Variants in WASF3 observed in about 807,000 individuals in gnomAD.
WASF3 encodes actin-binding protein WASF3.
WASF3 carries 11 observed loss-of-function variants against 46.6 expected under a neutral mutation model. The ratio of observed to expected loss-of-function variants is 0.24; its 90% CI spans 0.15 to 0.39. The LOEUF is 0.39. WASF3 is among the 10% of genes least tolerant of loss of function. WASF3 has a pLI of 1.00. For missense variants in WASF3, 576 were observed against 669.8 expected (o/e 0.86, Z 1.55); for synonymous variants, 242 against 259.7 (o/e 0.93, Z 0.65).
At chr13:26,616,691 C>T (rs1358124006) in intron 2 of WASF3, among the ~76,000 whole-genome samples, 2 of 152,064 alleles carry the variant, frequency 1.3e-5, no homozygotes, top group Non-Finnish European at 2.9e-5. Flanking sequence ...TGGCAGGGCA[C>T]TTAGTTTGTA....
chr13:26,639,076 C>G (rs1308149350), intron 2 of WASF3, among the ~76,000 whole-genome samples: 1 of 152,204 alleles, frequency 6.6e-6, no homozygotes, highest in Non-Finnish European at 1.5e-5. Context: ...AACCTCTTCT[C>G]TTTATAAACT....
chr13:26,681,104 A>G lies in WASF3; in HGVS notation c.767A>G (p.His256Arg), dbSNP rs751265263. Residue 256 changes from histidine (H) to arginine (R), a missense_variant, in exon 8 of 10, where the codon CAT becomes CGT. Transcript: ENST00000335327. ...TDYSYPATPN[H>R]SLHPQPVTPS... ...TACTCTTACCCGGCTACTCCCAACC[A>G]TTCTCTGCACCCCCAGCCTGTGACC... The G allele has an allele frequency of 6.2e-7, 1 of 1,614,122 alleles. No individual in the cohort carries two copies. The highest frequency in any genetic ancestry group is 8.5e-7 in the Non-Finnish European group (1 of 1,180,002).
At chr13:26,675,473 G>GACAC (rs1470443176) in intron 6 of WASF3, among the ~76,000 whole-genome samples, 1 of 80,176 alleles carries the variant, frequency 1.2e-5, no homozygotes, top group African/African-American at 5.4e-5. Context: ...TTCCAGACTA[G>GACAC]ACACACATAC....
chr13:26,577,054 A>G (rs114194328), intron 1 of WASF3: 7,578 of 735,150 alleles, frequency 0.01, 113 homozygotes, highest in African/African-American at 0.051. Context: ...AGGAAACAAA[A>G]TTGCATCTGA....
chr13:26,678,774 G>T (rs989986601), intron 7 of WASF3, among the ~76,000 whole-genome samples: 5 of 152,124 alleles, frequency 3.3e-5, no homozygotes, highest in Admixed American at 1.3e-4. Flanking sequence ...TCAGGGAGTC[G>T]CACACCTCCA....
intron 1 of WASF3, among the ~76,000 whole-genome samples, chr13:26,604,435 G>A (rs940073494): frequency 2.0e-5 from 3 of 152,080 alleles, no homozygotes; most frequent in African/African-American, 7.2e-5. Flanking sequence ...AGAGTCAGGC[G>A]GCTGTTTTTA....
At chr13:26,633,262 G>A (rs559452658) in intron 2 of WASF3, among the ~76,000 whole-genome samples, 7 of 141,006 alleles carry the variant, frequency 5.0e-5, no homozygotes, top group Admixed American at 2.3e-4. Context: ...GAGTGCAATG[G>A]CGTCATCTCA....
In WASF3 at chr13:26,635,996, G is replaced by A. The variant is rs559216923; in HGVS notation, c.-10-6265G>A. Among the ~76,000 whole-genome samples the A allele has an allele frequency of 6.6e-5, 10 of 152,358 alleles. No homozygotes were observed. In the East Asian group the frequency reaches 1.4e-3, roughly 21 times the overall value. ...ACCCACTTGAGGAGGCAGTCTGTCC[G>A]TTCTCAGAGCTCAAACGCCATGCTG... On this transcript the variant is annotated intron_variant, in intron 2 of 9. Coordinates refer to ENST00000335327, the MANE Select transcript of WASF3 (RefSeq NM_006646.6).
In WASF3 at chr13:26,565,520, A is replaced by T. The variant is rs138546680; in HGVS notation, c.-109+7701A>T. Among the ~76,000 whole-genome samples the T allele has an allele frequency of 5.6e-3, 860 of 152,332 alleles. 10 individuals are homozygous for T. Among genetic ancestry groups the T allele is most frequent in the African/African-American group, 0.02 (820 of 41,574 alleles). On this transcript the variant is annotated intron_variant, in intron 1 of 9. Transcript: ENST00000335327. ...ATTTAAAAAAAACCAGCCCTGTAGG[A>T]TTTAAAACGTATCTCCATTCTTGGT...
rs369255128 is a variant in WASF3 at position 26,642,001 on chromosome 13, TC to T, written c.-10-259del. 16 of 201,108 alleles carry T rather than the reference TC, an allele frequency of 8.0e-5. No individual in the cohort carries two copies. The East Asian group carries it at 1.6e-3, about 20-fold the overall frequency. 12.5% of individuals were successfully genotyped at this position (201,108 alleles called of 1,614,324 possible). A position where few individuals can be genotyped will look rare whatever the true frequency, so the allele number is the denominator to read the frequency against. On this transcript the variant is annotated intron_variant, in intron 2 of 9. Coordinates refer to ENST00000335327, the MANE Select transcript of WASF3 (RefSeq NM_006646.6). Reference sequence around the variant, plus strand: ...GACTTTTTGCCTTTCCTCTCTCTCCTCATTTCAGTGAAGAGAGAAGTCAGAA... The same window carrying T: ...GACTTTTTGCCTTTCCTCTCTCTCCTATTTCAGTGAAGAGAGAAGTCAGAA...
At position 26,682,463 on chromosome 13, in the gene WASF3, G is replaced by A; in HGVS notation, c.984-144G>A. ...ACTGTGAAAATAACTGACCCAAGGT[G>A]TGCATGTTTGCATCCTGCCATGATT... On this transcript the variant is annotated intron_variant, in intron 8 of 9. Transcript: ENST00000335327. The surrounding 1 kb of genome is among the most constrained non-coding windows in gnomAD (Gnocchi z 4.4). 3.3e-6 allele frequency: 3 copies of A among 904,240 alleles called. No homozygotes were observed. The highest frequency in any genetic ancestry group is 5.2e-6 in the Non-Finnish European group (3 of 575,364). The allele number at this position is 904,240 out of a possible 1,614,324, so 56.0% of individuals were successfully genotyped here.
At position 26,685,911 on chromosome 13, in the gene WASF3, A is replaced by G; in HGVS notation, c.*66A>G. ...AGATTTTAAGTGGTCTCTACACCCA[A>G]ATAGTGGTATTCTAATCCCGTAGCA... On this transcript the variant is annotated 3_prime_UTR_variant, in exon 10 of 10. Transcript: ENST00000335327. The G allele has an allele frequency of 1.3e-6, 2 of 1,575,760 alleles. No individual in the cohort carries two copies. The highest frequency in any genetic ancestry group is 1.7e-6 in the Non-Finnish European group (2 of 1,153,106).
At chr13:26,557,483 A>G (rs1234536215), upstream of WASF3, among the ~76,000 whole-genome samples, 1 of 149,868 alleles carries the variant, frequency 6.7e-6, no homozygotes, top group Non-Finnish European at 1.5e-5. Flanking sequence ...GCGGAGGACC[A>G]AGGGTGAGAG....
At chr13:26,655,341 A>G (rs1882435835) in intron 3 of WASF3, among the ~76,000 whole-genome samples, 1 of 152,176 alleles carries the variant, frequency 6.6e-6, no homozygotes, top group African/African-American at 2.4e-5. Flanking sequence ...GATTTAAGAT[A>G]TTGAAAGAAA....
At chr13:26,570,085 A>C (rs971956036) in intron 1 of WASF3, among the ~76,000 whole-genome samples, 1 of 152,182 alleles carries the variant, frequency 6.6e-6, no homozygotes, top group Non-Finnish European at 1.5e-5. Context: ...CAGGAGTTTG[A>C]GACCAGCCTG....
the WASF3 span, among the ~76,000 whole-genome samples, chr13:26,548,752 C>T: frequency 1.3e-5 from 2 of 152,128 alleles, no homozygotes; most frequent in African/African-American, 4.8e-5. Context: ...AGCATTCCCC[C>T]AACTCACCAG....
At chr13:26,594,352 C>T (rs867721312) in intron 1 of WASF3, among the ~76,000 whole-genome samples, 2 of 152,292 alleles carry the variant, frequency 1.3e-5, no homozygotes, top group South Asian at 4.2e-4. Flanking sequence ...ATTATTTTTC[C>T]ATCAAAACCT....
intron 1 of WASF3, among the ~76,000 whole-genome samples, chr13:26,593,298 C>T (rs186604691): frequency 3.5e-4 from 53 of 152,264 alleles, no homozygotes; most frequent in Non-Finnish European, 6.9e-4. Context: ...TACTGCTTGC[C>T]GGTGCCTCCT....
chr13:26,662,867 T>TCATACACATACACATACA (rs59001910), intron 3 of WASF3, among the ~76,000 whole-genome samples: 1 of 151,264 alleles, frequency 6.6e-6, no homozygotes, highest in African/African-American at 2.4e-5. Flanking sequence ...GCCCTCTGTG[T>TCATACACATACACATACA]CATACACATA....
Sources: gnomAD v4.1 joint callset for allele counts (sites outside exome capture counted in the v4.1 genomes callset) on GRCh38, gnomAD v4.1.1 for gene constraint, Gnocchi (gnomAD v3.1) non-coding constraint, MANE v1.5 for transcripts, NCBI Gene and HGNC (gene_info 2026-07-23, HGNC 2026-07-21) for gene names.